Variants in ERICH6B observed in about 807,000 individuals in gnomAD.
The protein encoded by ERICH6B is glutamate rich 6B.
A neutral mutation model predicts 80.0 loss-of-function variants in ERICH6B; 69 were observed. The ratio of observed to expected loss-of-function variants is 0.86; its 90% CI spans 0.71 to 1.05. The LOEUF (loss-of-function observed/expected upper bound fraction) is 1.05. Among genes scored for constraint, ERICH6B ranks in the 50% least tolerant of loss-of-function variants. ERICH6B has a pLI of 0.00. For synonymous variants in ERICH6B, 283 were observed against 291.9 expected, an observed-to-expected ratio of 0.97 and a Z score of 0.31; for missense variants, 754 against 796.1, an observed-to-expected ratio of 0.95 and a Z score of 0.64.
rs148291424 is a variant in ERICH6B at position 45,561,281 on chromosome 13, A to G, written c.1407+88T>C. 73 of 1,314,338 alleles carry G rather than the reference A, an allele frequency of 5.6e-5. No individual in the cohort carries two copies. The African/African-American group carries it at 7.9e-4, about 14-fold the overall frequency. The allele number at this position is 1,314,338 out of a possible 1,614,324, so 81.4% of individuals were successfully genotyped here. ...GTGTTTACATTGTGTGTTGTTCCTT[A>G]CAGCTCTCTGGTGGTGTATGCACAC... is the stretch of plus-strand genomic sequence containing the variant. On this transcript the variant is annotated intron_variant, in intron 11 of 14. Coordinates refer to ENST00000298738, the MANE Select transcript of ERICH6B (RefSeq NM_182542.3).
At chr13:45,578,792 C>T (rs1875530142) in intron 7 of ERICH6B, among the ~76,000 whole-genome samples, 1 of 152,212 alleles carries the variant, frequency 6.6e-6, no homozygotes, top group Admixed American at 6.5e-5. Flanking sequence ...GTGGCTCACG[C>T]CTATAATCCC....
chr13:45,607,325 G>A (rs1441048656), intron 2 of ERICH6B, among the ~76,000 whole-genome samples: 1 of 152,164 alleles, frequency 6.6e-6, no homozygotes, highest in Non-Finnish European at 1.5e-5. Context: ...AAGCCCTACT[G>A]GTGGTATCAT....
intron 2 of ERICH6B, among the ~76,000 whole-genome samples, chr13:45,601,291 T>C (rs1027334498): frequency 6.6e-6 from 1 of 152,150 alleles, no homozygotes; most frequent in East Asian, 1.9e-4. Flanking sequence ...TGGTGCGCAC[T>C]GATAGTACCA....
intron 8 of ERICH6B, among the ~76,000 whole-genome samples, chr13:45,573,254 G>A (rs956632555): frequency 4.6e-5 from 7 of 152,154 alleles, no homozygotes; most frequent in African/African-American, 1.7e-4. Context: ...GGTACAAGAT[G>A]TAATGGAATA....
chr13:45,549,438 C>T (rs181074581), intron 13 of ERICH6B, among the ~76,000 whole-genome samples: 9 of 152,246 alleles, frequency 5.9e-5, no homozygotes, highest in African/African-American at 2.2e-4. Context: ...TGGTTTTCCA[C>T]CATTACCAGA....
intron 4 of ERICH6B, among the ~76,000 whole-genome samples, chr13:45,587,717 G>A (rs1323683214): frequency 2.6e-5 from 4 of 152,192 alleles, no homozygotes; most frequent in Non-Finnish European, 4.4e-5. Context: ...GCCTGAGGGC[G>A]GGGCACTGGG....
intron 2 of ERICH6B, among the ~76,000 whole-genome samples, chr13:45,605,529 T>C (rs944606099): frequency 1.3e-5 from 2 of 152,184 alleles, no homozygotes; most frequent in African/African-American, 4.8e-5. Context: ...TTCAGAGAAA[T>C]CAAATAACTC....
intron 2 of ERICH6B, among the ~76,000 whole-genome samples, chr13:45,606,829 C>T (rs1949870167): frequency 6.6e-6 from 1 of 151,838 alleles, no homozygotes; most frequent in Non-Finnish European, 1.5e-5. Context: ...GCTGGTATTA[C>T]AGGCGTGAGC....
intron 1 of ERICH6B, among the ~76,000 whole-genome samples, chr13:45,610,633 G>A (rs2138041209): frequency 6.6e-6 from 1 of 152,236 alleles, no homozygotes; most frequent in East Asian, 1.9e-4. Context: ...ATTGCTATAT[G>A]GTGTAGCCTA....
At chr13:45,579,805 C>T in intron 7 of ERICH6B, 128 bp downstream of exon 7, 1 of 825,658 alleles carries the variant, frequency 1.2e-6, no homozygotes, top group Middle Eastern at 2.3e-4. Context: ...CCCAGGATGC[C>T]CCTCAGTCCC....
chr13:45,541,812 C>T, intron 14 of ERICH6B, 132 bp from the exon 15 acceptor site: 1 of 784,380 alleles, frequency 1.3e-6, no homozygotes, highest in South Asian at 1.8e-5. Context: ...CATCTGTGTT[C>T]TCAGCCCTGC....
In ERICH6B at chr13:45,596,453, C is replaced by T; in HGVS notation, c.553G>A (p.Glu185Lys). 5 of 1,551,650 alleles carry T rather than the reference C, an allele frequency of 3.2e-6. No individual in the cohort carries two copies. Among genetic ancestry groups the T allele is most frequent in the Non-Finnish European group, 4.4e-6 (5 of 1,146,620 alleles). ...GCTTCTTCCTCCTCCAGATTCTCTTCCTTCTCCAGAGCCTTTTCCTCTTCT... is the reference window on the plus strand; with the variant it reads ...GCTTCTTCCTCCTCCAGATTCTCTTTCTTCTCCAGAGCCTTTTCCTCTTCT... ...YLEEEKALEK[E>K]ENLEEEEALE... The change falls in exon 3 of 15, where the codon GAA becomes AAA. Residue 185 changes from glutamate (E) to lysine (K), a missense_variant. Coordinates refer to ENST00000298738, the MANE Select transcript of ERICH6B (RefSeq NM_182542.3).
chr13:45,562,241 T>A (rs1446669789), intron 10 of ERICH6B, among the ~76,000 whole-genome samples: 1 of 152,178 alleles, frequency 6.6e-6, no homozygotes. Context: ...TTTTGCCATG[T>A]TGGCCAGGCT....
chr13:45,611,899 C>T (rs1166268885), intron 1 of ERICH6B, among the ~76,000 whole-genome samples: 1 of 152,228 alleles, frequency 6.6e-6, no homozygotes, highest in South Asian at 2.1e-4. Flanking sequence ...GCTAAATCTT[C>T]TCTTGGGTTT....
intron 3 of ERICH6B, among the ~76,000 whole-genome samples, chr13:45,592,374 G>T (rs1478622561): frequency 3.3e-5 from 5 of 152,176 alleles, no homozygotes; most frequent in South Asian, 4.1e-4. Flanking sequence ...TTCATGAAAA[G>T]TTGGCTGGCT....
chr13:45,573,393 A>G (rs1325980035), intron 8 of ERICH6B, among the ~76,000 whole-genome samples: 1 of 152,222 alleles, frequency 6.6e-6, no homozygotes, highest in Non-Finnish European at 1.5e-5. Flanking sequence ...TAAAATTTCC[A>G]GGATACATAA....
intron 7 of ERICH6B, among the ~76,000 whole-genome samples, chr13:45,577,767 A>T (rs1401965076): frequency 3.3e-5 from 5 of 152,036 alleles, no homozygotes; most frequent in Admixed American, 1.3e-4. Flanking sequence ...TAATTTTTAA[A>T]TTTTTTGTAG....
chr13:45,596,910 C>G lies in ERICH6B; in HGVS notation c.96G>C (p.Glu32Asp). 1.3e-6 allele frequency: 2 copies of G among 1,551,788 alleles called. No individual in the cohort carries two copies. Among genetic ancestry groups the G allele is most frequent in the Non-Finnish European group, 1.7e-6 (2 of 1,147,022 alleles). Reference sequence around the variant, plus strand: ...CCTCATCTAGTTCTACTTCAGTATCCTCTTTCTCTGAAGGCAAGTTCTGTG... The same window carrying G: ...CCTCATCTAGTTCTACTTCAGTATCGTCTTTCTCTGAAGGCAAGTTCTGTG... Reference protein sequence around the residue: ...YSTQNLPSEKEDTEVELDEES... With the variant: ...YSTQNLPSEKDDTEVELDEES... Residue 32 changes from glutamate (E) to aspartate (D), a missense_variant, in exon 3 of 15, where the codon GAG becomes GAC. Transcript: ENST00000298738.
intron 11 of ERICH6B, among the ~76,000 whole-genome samples, chr13:45,556,896 T>C (rs1323541616): frequency 6.6e-6 from 1 of 152,194 alleles, no homozygotes; most frequent in Non-Finnish European, 1.5e-5. Flanking sequence ...GCTATGAACA[T>C]GTGGGTGCAA....
Sources: gnomAD v4.1 joint callset for allele counts (sites outside exome capture counted in the v4.1 genomes callset) on GRCh38, gnomAD v4.1.1 for gene constraint, MANE v1.5 for transcripts, NCBI Gene and HGNC (gene_info 2026-07-23, HGNC 2026-07-21) for gene names.